Variants in ABCC1 observed in about 807,000 individuals in gnomAD.
The protein encoded by ABCC1 is multidrug resistance-associated protein 1.
Under a neutral mutation model 172.9 loss-of-function variants are expected in ABCC1, and 83 were observed. The ratio of observed to expected loss-of-function variants is 0.48; its 90% CI spans 0.40 to 0.58. The LOEUF (loss-of-function observed/expected upper bound fraction) is 0.58. ABCC1 is among the 20% of genes least tolerant of loss of function. The pLI, the probability that ABCC1 is intolerant of heterozygous loss-of-function variation, is 0.00. For missense variants in ABCC1, 1,817 were observed against 2,002.7 expected (o/e 0.91, Z 1.77); for synonymous variants, 937 against 825.2 (o/e 1.14, Z -2.32).
Position 16,131,919 on chromosome 16 carries a change from T to C in ABCC1, c.3950T>C (p.Ile1317Thr). Residue 1317 changes from isoleucine (I) to threonine (T), a missense_variant, in exon 27 of 31, where the codon ATC becomes ACC. Coordinates refer to ENST00000399410, the MANE Select transcript of ABCC1 (RefSeq NM_004996.4). ...DFVLRHINVT[I>T]NGGEKVGIVG... Reference sequence around the variant, plus strand: ...GTTCTCAGGCACATCAATGTCACGATCAATGGGGGAGAAAAGGTGGGTACA... The same window carrying C: ...GTTCTCAGGCACATCAATGTCACGACCAATGGGGGAGAAAAGGTGGGTACA... 6.2e-7 allele frequency: 1 copy of C among 1,613,838 alleles called. No homozygotes were observed.
At chr16:16,073,055 A>AT (rs751748370) in intron 14 of ABCC1, among the ~76,000 whole-genome samples, 37,440 of 142,628 alleles carry the variant, frequency 0.26, 5,028 homozygotes, top group Middle Eastern at 0.31. Flanking sequence ...AAAAAAAAAA[A>AT]AATAATAATA....
rs113690284 is a variant in ABCC1, at chr16:16,098,955, C to T, written c.2645-3672C>T. ...TTGGCTCATAGAATGAGGCCAGAGACGGGCCGAGACTGTCGCTGCATGTCT... is the reference window on the plus strand; with the variant it reads ...TTGGCTCATAGAATGAGGCCAGAGATGGGCCGAGACTGTCGCTGCATGTCT... On this transcript the variant is annotated intron_variant, in intron 19 of 30. Transcript: ENST00000399410. The T allele has an allele frequency of 1.6e-3, 2,187 of 1,330,354 alleles. 17 individuals are homozygous for T. The African/African-American group carries it at 0.024, about 15-fold the overall frequency. The allele number at this position is 1,330,354 out of a possible 1,614,324, so 82.4% of individuals were successfully genotyped here. A position where few individuals can be genotyped will look rare whatever the true frequency, so the allele number is the denominator to read the frequency against.
At chr16:15,974,018 G>A (rs536570373) in intron 1 of ABCC1, among the ~76,000 whole-genome samples, 2 of 152,152 alleles carry the variant, frequency 1.3e-5, no homozygotes, top group African/African-American at 4.8e-5. Context: ...TTCAAGATAT[G>A]TCCCTTATAG....
intron 19 of ABCC1, chr16:16,094,339 T>G: frequency 3.9e-6 from 1 of 259,262 alleles, no homozygotes. Context: ...GTGCTCTTTT[T>G]GGGCCGCCGA....
At chr16:16,056,792 A>G (rs1440275749) in intron 12 of ABCC1, among the ~76,000 whole-genome samples, 4 of 150,580 alleles carry the variant, frequency 2.7e-5, no homozygotes. Flanking sequence ...CAACCTGTGT[A>G]GGAACCGTTC....
chr16:15,995,157 C>G (rs1158670048), intron 1 of ABCC1, among the ~76,000 whole-genome samples: 1 of 151,808 alleles, frequency 6.6e-6, no homozygotes, highest in African/African-American at 2.4e-5. Flanking sequence ...CATCAAATTC[C>G]TGACTGTGTA....
chr16:15,994,199 AAC>A (rs1369869210), intron 1 of ABCC1, among the ~76,000 whole-genome samples: 2 of 152,178 alleles, frequency 1.3e-5, no homozygotes, highest in Non-Finnish European at 2.9e-5. Context: ...AAGCCTGGGC[AAC>A]AGAGTGAGAC....
At chr16:15,971,451 T>C (rs1045063784) in intron 1 of ABCC1, among the ~76,000 whole-genome samples, 8 of 152,212 alleles carry the variant, frequency 5.3e-5, no homozygotes, top group African/African-American at 1.9e-4. Flanking sequence ...GCCGGGGCTT[T>C]ACAAGAAACT....
intron 19 of ABCC1, 103 bp downstream of exon 19, chr16:16,090,691 C>T (rs2051217310): frequency 1.5e-6 from 2 of 1,310,698 alleles, no homozygotes; most frequent in Non-Finnish European, 1.0e-6. Flanking sequence ...GAAGGCGGCT[C>T]CTCAGGGCAT....
rs766555089 is a variant in ABCC1 at position 16,121,967 on chromosome 16, T to C, written c.3391-8T>C. 1.2e-5 allele frequency: 20 copies of C among 1,614,082 alleles called. No individual in the cohort carries two copies. The highest frequency in any genetic ancestry group is 3.3e-5 in the Admixed American group (2 of 60,004). ...TCATCAACTCCCCGCGTCTGTTCTC[T>C]ACCCCAGAGGTTCTACGTGGCTTCC... On this transcript the variant is annotated splice_polypyrimidine_tract_variant and splice_region_variant and intron_variant, in intron 23 of 30. Transcript: ENST00000399410.
chr16:15,991,260 G>T (rs2046859429), intron 1 of ABCC1, among the ~76,000 whole-genome samples: 1 of 151,902 alleles, frequency 6.6e-6, no homozygotes. Context: ...CCTCTAAATC[G>T]CAGGGAAGCT....
intron 1 of ABCC1, among the ~76,000 whole-genome samples, chr16:15,986,878 G>C (rs2046756616): frequency 6.6e-6 from 1 of 152,184 alleles, no homozygotes; most frequent in African/African-American, 2.4e-5. Flanking sequence ...GGTTAGGCTA[G>C]AGAATGTGGA....
intron 5 of ABCC1, among the ~76,000 whole-genome samples, chr16:16,026,203 G>T (rs532099198): frequency 6.6e-6 from 1 of 151,582 alleles, no homozygotes; most frequent in East Asian, 2.0e-4. Flanking sequence ...AGGCCGAGGT[G>T]GGTGGATCGC....
chr16:16,038,776 G>T (rs2048853126), intron 7 of ABCC1, among the ~76,000 whole-genome samples: 1 of 152,168 alleles, frequency 6.6e-6, no homozygotes, highest in South Asian at 2.1e-4. Context: ...TGTAGTGTGG[G>T]CTTCAGCATT....
rs764404163 is a variant in ABCC1 at position 16,046,033 on chromosome 16, T to C, written c.1218+20T>C. On this transcript the variant is annotated intron_variant, in intron 9 of 30. Coordinates refer to ENST00000399410, the MANE Select transcript of ABCC1 (RefSeq NM_004996.4). The stretch of plus-strand genomic sequence containing the variant: ...CGGAAGGTAGGGGACGCTGTGCCAT[T>C]GGCATGTGGCCCGACTTCCACATCC... 9 of 1,612,498 alleles carry C rather than the reference T, an allele frequency of 5.6e-6. No individual in the cohort carries two copies. In the South Asian group the frequency reaches 9.9e-5, roughly 18 times the overall value.
intron 1 of ABCC1, 107 bp from the exon 2 acceptor site, chr16:16,007,709 C>T: frequency 1.8e-6 from 2 of 1,086,682 alleles, no homozygotes; most frequent in Non-Finnish European, 1.3e-6. Context: ...TATATAGGAG[C>T]CTTGTCTGTT....
intron 16 of ABCC1, among the ~76,000 whole-genome samples, 180 bp from the exon 17 acceptor site, chr16:16,083,186 G>T (rs578173699): frequency 6.6e-6 from 1 of 152,182 alleles, no homozygotes; most frequent in Non-Finnish European, 1.5e-5. Flanking sequence ...TGTGGGTTCT[G>T]ATCCCAGCCC....
At chr16:16,024,996 C>A (rs1231628475) in intron 5 of ABCC1, among the ~76,000 whole-genome samples, 8 of 151,936 alleles carry the variant, frequency 5.3e-5, no homozygotes, top group African/African-American at 1.7e-4. Flanking sequence ...GAGACCCCAT[C>A]TCTTGAAACA....
chr16:16,045,236 A>G (rs2049154226), intron 8 of ABCC1, among the ~76,000 whole-genome samples: 1 of 151,860 alleles, frequency 6.6e-6, no homozygotes, highest in Admixed American at 6.6e-5. Context: ...ACCATCTGCT[A>G]AAAATACAAA....
Sources: allele counts gnomAD v4.1 joint callset (sites outside exome capture counted in the v4.1 genomes callset), GRCh38; gene constraint gnomAD v4.1.1; transcripts MANE v1.5; gene names NCBI Gene and HGNC (gene_info 2026-07-23, HGNC 2026-07-21).